The following ZNF84 variants were observed in gnomAD, a reference collection of about 807,000 sequenced individuals.
ZNF84 encodes zinc finger protein HPF2.
Under a neutral mutation model 14.8 loss-of-function variants are expected in ZNF84, and 12 were observed. The ratio of observed to expected loss-of-function variants is 0.81; its 90% confidence interval spans 0.52 to 1.31. The LOEUF (loss-of-function observed/expected upper bound fraction) is 1.31, where lower values mean the gene tolerates loss of function less well. Among genes scored for constraint, ZNF84 ranks in the 50% most tolerant of loss-of-function variants. The pLI is 0.00. For missense variants in ZNF84, 859 were observed against 878.6 expected (o/e 0.98, Z 0.28); for synonymous variants, 347 against 291.1 (o/e 1.19, Z -1.96).
chr12:133,046,304 T>C (rs1258476669), intron 2 of ZNF84, among the ~76,000 whole-genome samples: 1 of 150,744 alleles, frequency 6.6e-6, no homozygotes, highest in African/African-American at 2.4e-5. Flanking sequence ...CATTCCCTAT[T>C]ATCCTGTCAG....
chr12:133,062,994 CACTAGAAAGCT>C lies in ZNF84; in HGVS notation c.*4063_*4073del. ...TAATCATTGCATGTTTTATCTTTCC[CACTAGAAAGCT>C]TCTAGAAAGCTAGTACTATCTTTTT... On this transcript the variant is annotated 3_prime_UTR_variant, in exon 5 of 5. Coordinates refer to ENST00000539354, the MANE Select transcript of ZNF84 (RefSeq NM_001289971.2). 1.5e-6 allele frequency: 1 copy of C among 654,702 alleles called. No homozygotes were observed. The allele number at this position is 654,702 out of a possible 1,614,324, so 40.6% of individuals were successfully genotyped here. A position where few individuals can be genotyped will look rare whatever the true frequency, so the allele number is the denominator to read the frequency against.
chr12:133,052,531 C>G (rs111375826), intron 4 of ZNF84, among the ~76,000 whole-genome samples: 1 of 152,258 alleles, frequency 6.6e-6, no homozygotes, highest in Non-Finnish European at 1.5e-5. Context: ...GGCACAGTTT[C>G]ACTGTGTGGT....
intron 4 of ZNF84, among the ~76,000 whole-genome samples, chr12:133,052,913 AC>A (rs1954096798): frequency 6.6e-6 from 1 of 152,222 alleles, no homozygotes; most frequent in Admixed American, 6.5e-5. Flanking sequence ...TGGTTTAGTT[AC>A]TTTTAGAAAC....
chr12:133,043,803 G>A (rs2137340930), intron 2 of ZNF84, among the ~76,000 whole-genome samples: 1 of 151,954 alleles, frequency 6.6e-6, no homozygotes, highest in Non-Finnish European at 1.5e-5. Context: ...GCCCAGGCTG[G>A]AGTGCAGTGG....
Position 133,061,040 on chromosome 12 carries a change from G to A in ZNF84, c.*2108G>A, listed in dbSNP as rs1031796393. On this transcript the variant is annotated 3_prime_UTR_variant, in exon 5 of 5. Transcript: ENST00000539354. ...TTAATTATTGATTTTGCAACATTTT[G>A]GGAAAGTTGGAATTTTAAATAAATG... The A allele has an allele frequency of 6.6e-6, 1 of 152,114 alleles. No homozygotes were observed. The highest frequency in any genetic ancestry group is 1.5e-5 in the Non-Finnish European group (1 of 68,014). The allele number at this position is 152,114 out of a possible 1,614,324, so 9.4% of individuals were successfully genotyped here.
At chr12:133,048,968 C>T (rs930364192) in intron 4 of ZNF84, 120 bp downstream of exon 4, 27 of 704,762 alleles carry the variant, frequency 3.8e-5, no homozygotes, top group Admixed American at 1.5e-4. Context: ...TGGTCAGTGA[C>T]GGGTGGGCTG....
chr12:133,059,209 G>A lies in ZNF84; in HGVS notation c.*277G>A. ...CCTGTGAATGTCCAAAAGCCTTCCA[G>A]AAGTCAAGTCTCTTAAGCTATTAGA... is the stretch of plus-strand genomic sequence containing the variant. On this transcript the variant is annotated 3_prime_UTR_variant, in exon 5 of 5. Transcript: ENST00000539354. The A allele has an allele frequency of 2.4e-6, 1 of 411,180 alleles. No individual in the cohort carries two copies. The highest frequency in any genetic ancestry group is 4.3e-6 in the Non-Finnish European group (1 of 232,882). The allele number at this position is 411,180 out of a possible 1,614,324, so 25.5% of individuals were successfully genotyped here. A position where few individuals can be genotyped will look rare whatever the true frequency, so the allele number is the denominator to read the frequency against.
chr12:133,053,613 C>T (rs928369022), intron 4 of ZNF84, among the ~76,000 whole-genome samples: 10 of 152,138 alleles, frequency 6.6e-5, no homozygotes, highest in South Asian at 4.2e-4. Flanking sequence ...CATGGTGGCA[C>T]GCACCTGTAG....
chr12:133,046,902 T>C (rs1316779666), intron 2 of ZNF84, among the ~76,000 whole-genome samples: 3 of 144,318 alleles, frequency 2.1e-5, no homozygotes. Flanking sequence ...TTTAATATAA[T>C]ATTTATATTA....
chr12:133,060,358 T>C lies in ZNF84; in HGVS notation c.*1426T>C, dbSNP rs1954238516. The C allele has an allele frequency of 6.6e-6, 1 of 152,218 alleles. No homozygotes were observed. Among genetic ancestry groups the C allele is most frequent in the African/African-American group, 2.4e-5 (1 of 41,456 alleles). The allele number at this position is 152,218 out of a possible 1,614,324, so 9.4% of individuals were successfully genotyped here. ...ATTCAAGGATGCCTATTTTATCTTC[T>C]AGCAAATTTCTGTGGTCCCTGGAAA... On this transcript the variant is annotated 3_prime_UTR_variant, in exon 5 of 5. Coordinates refer to ENST00000539354, the MANE Select transcript of ZNF84 (RefSeq NM_001289971.2).
intron 2 of ZNF84, among the ~76,000 whole-genome samples, chr12:133,046,271 G>A (rs1953975177): frequency 6.7e-6 from 1 of 150,294 alleles, no homozygotes; most frequent in Non-Finnish European, 1.5e-5. Flanking sequence ...GCCCCACTGT[G>A]GCCTTTAATC....
chr12:133,055,849 G>T (rs1442003355), intron 4 of ZNF84, among the ~76,000 whole-genome samples: 1 of 152,078 alleles, frequency 6.6e-6, no homozygotes, highest in Non-Finnish European at 1.5e-5. Flanking sequence ...CTGTAACCCA[G>T]AACTTTGGGA....
chr12:133,039,539 TG>T (rs1251904449), intron 1 of ZNF84, among the ~76,000 whole-genome samples: 3 of 152,272 alleles, frequency 2.0e-5, no homozygotes, highest in African/African-American at 7.2e-5. Flanking sequence ...GTTTTCTCTC[TG>T]TAAAATGGAG....
chr12:133,052,062 A>C (rs1287055089), intron 4 of ZNF84, among the ~76,000 whole-genome samples: 1 of 152,176 alleles, frequency 6.6e-6, no homozygotes, highest in Admixed American at 6.5e-5. Flanking sequence ...AAAAATTCAG[A>C]TCCTGCTAAG....
intron 2 of ZNF84, among the ~76,000 whole-genome samples, chr12:133,044,074 T>C (rs1953936034): frequency 6.6e-6 from 1 of 152,216 alleles, no homozygotes; most frequent in East Asian, 1.9e-4. Flanking sequence ...AGCTTACTTA[T>C]TAGTTCTAAT....
At chr12:133,040,018 AT>A (rs1953859179) in intron 1 of ZNF84, among the ~76,000 whole-genome samples, 2 of 152,056 alleles carry the variant, frequency 1.3e-5, no homozygotes, top group South Asian at 4.2e-4. Context: ...TTATTTTTGT[AT>A]TTTTAGTAGA....
chr12:133,058,483 CAG>C lies in ZNF84; in HGVS notation c.1772_1773del (p.Arg591AsnfsTer9), dbSNP rs1954201422. Reference protein sequence around the residue: ...FSQKSQLNTHQRIHTGEKPYE... With the variant: ...FSQKSQLNTHXRIHTGEKPYE... The stretch of plus-strand genomic sequence containing the variant: ...CCAGAAATCACAGCTAAATACCCAT[CAG>C]AGAATTCACACTGGAGAGAAACCCT... On this transcript the variant is annotated frameshift_variant, in exon 5 of 5. Transcript: ENST00000539354. LOFTEE classifies it low-confidence loss of function (END_TRUNC). The C allele has an allele frequency of 5.6e-6, 9 of 1,614,034 alleles. No homozygotes were observed. The highest frequency in any genetic ancestry group is 7.6e-6 in the Non-Finnish European group (9 of 1,180,028).
Position 133,057,445 on chromosome 12 carries a change from T to A in ZNF84, c.730T>A (p.Phe244Ile). The A allele has an allele frequency of 6.2e-7, 1 of 1,614,190 alleles. No homozygotes were observed. Among genetic ancestry groups the A allele is most frequent in the Non-Finnish European group, 8.5e-7 (1 of 1,180,032 alleles). Residue 244 changes from phenylalanine (F) to isoleucine (I), a missense_variant, in exon 5 of 5, where the codon TTT (phenylalanine) becomes ATT (isoleucine). Transcript: ENST00000539354. ...AFGCGNCGKT[F>I]PQKSQFITHH... ...TGGCTGTGGTAATTGTGGCAAAACC[T>A]TTCCCCAGAAGTCTCAGTTTATTAC...
At chr12:133,047,787 A>G in intron 2 of ZNF84, 168 bp from the exon 3 acceptor site, 1 of 646,898 alleles carries the variant, frequency 1.5e-6, no homozygotes, top group Non-Finnish European at 2.6e-6. Context: ...AAATGGAAGG[A>G]TGGAAGAATG....
Sources: allele counts gnomAD v4.1 joint callset (sites outside exome capture counted in the v4.1 genomes callset), GRCh38; gene constraint gnomAD v4.1.1; transcripts MANE v1.5; gene names NCBI Gene and HGNC (gene_info 2026-07-23, HGNC 2026-07-21).